ST13: variants seen among roughly 807,000 people sequenced by gnomAD.
ST13 encodes hsc70-interacting protein.
In ST13, 23 loss-of-function variants were observed where a neutral mutation model predicts 56.7. That is an observed-to-expected ratio of 0.41 (90% CI 0.29 to 0.57). ST13 has a LOEUF of 0.57. Among genes scored for constraint, ST13 ranks in the 20% least tolerant of loss-of-function variants. ST13 has a pLI of 0.36. For synonymous variants in ST13, 132 were observed against 142.4 expected (o/e 0.93, Z 0.52); for missense variants, 369 against 459.9 (o/e 0.80, Z 1.81).
At chr22:40,832,126 T>G in intron 8 of ST13, 1 of 465,342 alleles carries the variant, frequency 2.1e-6, no homozygotes, top group South Asian at 1.6e-5. Flanking sequence ...AGTGCTGGGA[T>G]TACAGGCATG....
At chr22:40,839,860 A>T (rs542244685) in intron 5 of ST13, among the ~76,000 whole-genome samples, 25 of 151,812 alleles carry the variant, frequency 1.6e-4, no homozygotes, top group Non-Finnish European at 3.4e-4. Context: ...AAATATATAT[A>T]AAAAAAGAGG....
At chr22:40,850,249 C>CT (rs1463052888) in intron 2 of ST13, among the ~76,000 whole-genome samples, 1 of 152,196 alleles carries the variant, frequency 6.6e-6, no homozygotes, top group African/African-American at 2.4e-5. Context: ...CACAGTGAGA[C>CT]TTTGTCTCAG....
In ST13 at chr22:40,856,531, G is replaced by A. The variant is rs754081438; in HGVS notation, c.10C>T (p.Arg4Cys). Residue 4 changes from arginine (R) to cysteine (C), a missense_variant, in exon 1 of 12, where the codon CGC (arginine) becomes TGC (cysteine). Coordinates refer to ENST00000216218, the MANE Select transcript of ST13 (RefSeq NM_003932.5). ...AAGGCCCGAAGCTCGTTCACTTTGC[G>A]GGGGTCCATGGTAGGGAGGTGGTGG... is the stretch of plus-strand genomic sequence containing the variant. MDP[R>C]KVNELRAFVK... 5.0e-6 allele frequency: 8 copies of A among 1,612,112 alleles called. No individual in the cohort carries two copies. Among genetic ancestry groups the A allele is most frequent in the African/African-American group, 1.3e-5 (1 of 74,848 alleles).
At chr22:40,836,077 G>GT (rs2057775909) in intron 5 of ST13, 190 bp from the exon 6 acceptor site, 1 of 506,646 alleles carries the variant, frequency 2.0e-6, no homozygotes, top group African/African-American at 2.0e-5. Context: ...AACTCACGAG[G>GT]TAAGACAATT....
intron 4 of ST13, 132 bp downstream of exon 4, chr22:40,844,707 G>GC: frequency 1.5e-6 from 1 of 672,062 alleles, no homozygotes; most frequent in Non-Finnish European, 2.6e-6. Context: ...TACAATGCTT[G>GC]CCTAAAACGC....
intron 8 of ST13, 116 bp from the exon 9 acceptor site, chr22:40,831,072 T>C: frequency 2.8e-6 from 2 of 722,082 alleles, no homozygotes; most frequent in South Asian, 1.9e-5. Flanking sequence ...AATGACAGAT[T>C]TGTCTTGTAC....
rs1257517493 is a variant in ST13 at position 40,844,688 on chromosome 22, G to A, written c.315+151C>T. 6.4e-6 allele frequency: 4 copies of A among 624,840 alleles called. No individual in the cohort carries two copies. The African/African-American group carries it at 7.4e-5, about 12-fold the overall frequency. 38.7% of individuals were successfully genotyped at this position (624,840 alleles called of 1,614,324 possible). A position where few individuals can be genotyped will look rare whatever the true frequency, so the allele number is the denominator to read the frequency against. Reference sequence around the variant, plus strand: ...GTATTTATTTTCATTAGTATTTTAAGTAGTAAAATACAATGCTTGCCTAAA... The same window carrying A: ...GTATTTATTTTCATTAGTATTTTAAATAGTAAAATACAATGCTTGCCTAAA... On this transcript the variant is annotated intron_variant, in intron 4 of 11. Transcript: ENST00000216218.
At chr22:40,850,000 C>T (rs985990249) in intron 2 of ST13, among the ~76,000 whole-genome samples, 1 of 151,238 alleles carries the variant, frequency 6.6e-6, no homozygotes, top group Non-Finnish European at 1.5e-5. Flanking sequence ...CATGGTGGCT[C>T]ACGCCTTAGT....
intron 1 of ST13, among the ~76,000 whole-genome samples, chr22:40,853,774 T>C (rs1471292088): frequency 1.3e-5 from 2 of 152,206 alleles, no homozygotes; most frequent in Non-Finnish European, 2.9e-5. Flanking sequence ...CCACGTACTG[T>C]ACTAGGGAGT....
intron 1 of ST13, chr22:40,854,667 T>C (rs577331695): frequency 6.6e-6 from 1 of 152,344 alleles, no homozygotes; most frequent in Non-Finnish European, 1.5e-5. Context: ...AACAAAAACA[T>C]TGTATCCACT....
rs527320864 is a variant in ST13 at position 40,854,925 on chromosome 22, C to T, written c.110+1506G>A. On this transcript the variant is annotated intron_variant, in intron 1 of 11. Transcript: ENST00000216218. ...GGAGTTTGCAAAATAGACTTCTTAC[C>T]AATATTCATAAAGTTACTATTAACA... is the stretch of plus-strand genomic sequence containing the variant. Among the ~76,000 whole-genome samples, 4 of 152,164 alleles carry T rather than the reference C, an allele frequency of 2.6e-5. No homozygotes were observed. In the South Asian group the frequency reaches 8.3e-4, roughly 32 times the overall value.
At chr22:40,850,783 G>A (rs200347734) in intron 2 of ST13, 40 bp downstream of exon 2, 2 of 1,471,288 alleles carry the variant, frequency 1.4e-6, no homozygotes, top group African/African-American at 2.8e-5. Flanking sequence ...AAATCTTATA[G>A]TACTTTATCA....
At chr22:40,851,926 G>A (rs903255732) in intron 1 of ST13, among the ~76,000 whole-genome samples, 2 of 152,004 alleles carry the variant, frequency 1.3e-5, no homozygotes, top group Non-Finnish European at 2.9e-5. Context: ...TTTTGTTTTA[G>A]TAGAGACAGG....
At chr22:40,847,254 CT>C (rs1484989809) in intron 3 of ST13, among the ~76,000 whole-genome samples, 4 of 146,090 alleles carry the variant, frequency 2.7e-5, no homozygotes, top group African/African-American at 7.7e-5. Context: ...AAACTTTTGG[CT>C]GGGCATGGTG....
chr22:40,840,737 A>G, intron 4 of ST13, 45 bp from the exon 5 acceptor site: 1 of 1,534,568 alleles, frequency 6.5e-7, no homozygotes, highest in Non-Finnish European at 8.9e-7. Flanking sequence ...AGAGAGAGAG[A>G]GAAGGAAGCA....
rs138105788 is a variant in ST13 at position 40,847,738 on chromosome 22, A to C, written c.244+556T>G. On this transcript the variant is annotated intron_variant, in intron 3 of 11. Coordinates refer to ENST00000216218, the MANE Select transcript of ST13 (RefSeq NM_003932.5). ...GGAGTTTGAATGCTATTAAAAAAAG[A>C]AGCAAAATAAATTATTAACAAATAT... 3.9e-3 allele frequency among the ~76,000 whole-genome samples: 590 copies of C among 152,186 alleles called. 3 individuals carry two copies. The highest frequency in any genetic ancestry group is 6.5e-3 in the Non-Finnish European group (445 of 67,998).
At chr22:40,855,880 G>T (rs577207176) in intron 1 of ST13, among the ~76,000 whole-genome samples, 1 of 152,072 alleles carries the variant, frequency 6.6e-6, no homozygotes, top group Non-Finnish European at 1.5e-5. Context: ...GCCAAGTAAC[G>T]GAGGTATAAT....
chr22:40,833,705 A>T (rs1306008822), intron 7 of ST13, among the ~76,000 whole-genome samples: 3 of 151,730 alleles, frequency 2.0e-5, no homozygotes, highest in Non-Finnish European at 4.4e-5. Flanking sequence ...GCAAAACCCC[A>T]TCTCTAATAT....
At chr22:40,842,588 A>G (rs1386614538) in intron 4 of ST13, among the ~76,000 whole-genome samples, 1 of 152,230 alleles carries the variant, frequency 6.6e-6, no homozygotes, top group Non-Finnish European at 1.5e-5. Flanking sequence ...ACTTAATAAC[A>G]AAAGTCTAAC....
Sources: gnomAD v4.1 joint callset for allele counts (sites outside exome capture counted in the v4.1 genomes callset) on GRCh38, gnomAD v4.1.1 for gene constraint, MANE v1.5 for transcripts, NCBI Gene and HGNC (gene_info 2026-07-23, HGNC 2026-07-21) for gene names.